Variants in RAPGEF4 observed in about 807,000 individuals in gnomAD.
RAPGEF4 encodes the protein RAP guanine-nucleotide-exchange factor (GEF) 4.
Under a neutral mutation model 147.9 loss-of-function variants are expected in RAPGEF4, and 66 were observed. The observed-to-expected ratio is 0.45, with a 90% confidence interval of 0.37 to 0.55. The LOEUF (loss-of-function observed/expected upper bound fraction) is 0.55. RAPGEF4 is among the 20% of genes least tolerant of loss of function. The probability of loss-of-function intolerance (pLI) is 0.00; values close to 1 mark genes in which losing one functional copy is unlikely to be tolerated. For missense variants in RAPGEF4, 1,071 were observed against 1,257.3 expected, an observed-to-expected ratio of 0.85 and a Z score of 2.24; for synonymous variants, 419 against 442.7, an observed-to-expected ratio of 0.95 and a Z score of 0.67.
intron 17 of RAPGEF4, among the ~76,000 whole-genome samples, chr2:173,011,159 AGC>A (rs147557642): frequency 2.0e-4 from 26 of 128,414 alleles, no homozygotes; most frequent in Admixed American, 6.0e-4. Context: ...TTGGAACTTC[AGC>A]GCGCGCGCGC....
At chr2:173,009,358 T>C (rs1694793124) in intron 17 of RAPGEF4, among the ~76,000 whole-genome samples, 1 of 152,150 alleles carries the variant, frequency 6.6e-6, no homozygotes, top group Non-Finnish European at 1.5e-5. Flanking sequence ...TTAAAAAATA[T>C]TGAAGGCTTT....
At chr2:172,847,245 A>C (rs1329146433) in intron 4 of RAPGEF4, among the ~76,000 whole-genome samples, 1 of 152,180 alleles carries the variant, frequency 6.6e-6, no homozygotes, top group East Asian at 1.9e-4. Context: ...TGCTTCCTGG[A>C]ACACAAGCTT....
At chr2:172,942,535 A>G (rs1687266263) in intron 6 of RAPGEF4, among the ~76,000 whole-genome samples, 2 of 150,816 alleles carry the variant, frequency 1.3e-5, no homozygotes, top group African/African-American at 2.4e-5. Flanking sequence ...AATCAGACAA[A>G]CATGGTACTC....
chr2:172,936,654 C>A (rs1686606113), intron 6 of RAPGEF4, among the ~76,000 whole-genome samples: 1 of 151,510 alleles, frequency 6.6e-6, no homozygotes, highest in African/African-American at 2.4e-5. Flanking sequence ...ACTTTTCATA[C>A]CATCCCTGTC....
chr2:173,050,684 A>T (rs1341125151), intron 30 of RAPGEF4, among the ~76,000 whole-genome samples: 1 of 136,950 alleles, frequency 7.3e-6, no homozygotes, highest in Non-Finnish European at 1.5e-5. Context: ...TTTCCCTTTT[A>T]TTTTGAAATA....
intron 11 of RAPGEF4, among the ~76,000 whole-genome samples, chr2:172,984,813 C>T (rs1692069626): frequency 6.6e-6 from 1 of 152,164 alleles, no homozygotes; most frequent in Non-Finnish European, 1.5e-5. Context: ...TGTGGGTAGT[C>T]TCGTCTTCTA....
intron 4 of RAPGEF4, among the ~76,000 whole-genome samples, chr2:172,845,006 T>C (rs1692015282): frequency 6.6e-6 from 1 of 152,222 alleles, no homozygotes; most frequent in South Asian, 2.1e-4. Flanking sequence ...GAATCCATCT[T>C]CTTATTGGGA....
chr2:172,818,231 G>C (rs1688708512), intron 4 of RAPGEF4, among the ~76,000 whole-genome samples: 1 of 151,960 alleles, frequency 6.6e-6, no homozygotes, highest in Non-Finnish European at 1.5e-5. Context: ...ATTGGGTACA[G>C]AGTACACTAC....
intron 18 of RAPGEF4, among the ~76,000 whole-genome samples, chr2:173,015,855 A>G (rs1214277029): frequency 6.6e-6 from 1 of 152,222 alleles, no homozygotes; most frequent in Non-Finnish European, 1.5e-5. Flanking sequence ...AGTGACACCT[A>G]GTCAATAAAC....
chr2:172,802,547 G>A (rs544895171), intron 3 of RAPGEF4, among the ~76,000 whole-genome samples: 4 of 152,296 alleles, frequency 2.6e-5, no homozygotes, highest in African/African-American at 9.6e-5. Flanking sequence ...TGGGAATTGT[G>A]GGAGTTATAA....
intron 1 of RAPGEF4, among the ~76,000 whole-genome samples, chr2:172,738,561 A>G (rs1694018274): frequency 6.6e-6 from 1 of 152,366 alleles, no homozygotes; most frequent in South Asian, 2.1e-4. Context: ...GTGGTGTGGC[A>G]TATGAATATG....
In RAPGEF4 at chr2:172,836,218, A is replaced by G. The variant is rs188993123; in HGVS notation, c.444+21793A>G. ...TGGTAGCTTCCTTTGAATGCCAAAA[A>G]TCTCTCATGTATGGACACATATGCC... On this transcript the variant is annotated intron_variant, in intron 4 of 30. Transcript: ENST00000397081. 3.9e-4 allele frequency among the ~76,000 whole-genome samples: 59 copies of G among 152,318 alleles called. 1 individual carries two copies. Among genetic ancestry groups the G allele is most frequent in the Admixed American group, 2.8e-3 (43 of 15,298 alleles).
chr2:173,047,331 T>C (rs2106084932), intron 29 of RAPGEF4, among the ~76,000 whole-genome samples: 1 of 152,338 alleles, frequency 6.6e-6, no homozygotes, highest in South Asian at 2.1e-4. Flanking sequence ...CCCTTTTAAG[T>C]CTTTATTGCA....
rs1274464915 is a variant in RAPGEF4, at chr2:173,051,691, T to C, written c.2960T>C (p.Val987Ala). 6.2e-7 allele frequency: 1 copy of C among 1,614,000 alleles called. No individual in the cohort carries two copies. The part of the protein sequence containing the change: ...NKNHQDVRSY[V>A]RQLNVIDNQR... ...AACCATCAGGATGTCCGGAGTTATGTACGGCAATTAAATGTGATTGACAAC... is the reference window on the plus strand; with the variant it reads ...AACCATCAGGATGTCCGGAGTTATGCACGGCAATTAAATGTGATTGACAAC... The change falls in exon 31 of 31, where the codon GTA becomes GCA. Residue 987 changes from valine to alanine, a missense_variant. Transcript: ENST00000397081.
intron 5 of RAPGEF4, among the ~76,000 whole-genome samples, chr2:172,920,089 A>C (rs1684577808): frequency 6.6e-6 from 1 of 152,162 alleles, no homozygotes. Context: ...TTTATTATGA[A>C]AAATTTCAAA....
chr2:173,011,762 A>G (rs749933684), intron 17 of RAPGEF4, among the ~76,000 whole-genome samples: 1 of 152,220 alleles, frequency 6.6e-6, no homozygotes, highest in Non-Finnish European at 1.5e-5. Context: ...AAGTACTTGT[A>G]AAGCATTTTG....
chr2:173,035,722 TA>T (rs1351864514), intron 27 of RAPGEF4, among the ~76,000 whole-genome samples: 1 of 152,176 alleles, frequency 6.6e-6, no homozygotes, highest in Non-Finnish European at 1.5e-5. Context: ...GCCTTACTGA[TA>T]ACATAAAGTC....
chr2:172,858,293 G>C (rs996850127), intron 4 of RAPGEF4, among the ~76,000 whole-genome samples: 14 of 152,128 alleles, frequency 9.2e-5, no homozygotes, highest in African/African-American at 3.4e-4. Flanking sequence ...TCTTTATGAT[G>C]TATTTTCAAA....
intron 4 of RAPGEF4, among the ~76,000 whole-genome samples, chr2:172,890,833 A>T (rs931928254): frequency 6.6e-6 from 1 of 152,218 alleles, no homozygotes; most frequent in Non-Finnish European, 1.5e-5. Context: ...GACTTTCGTT[A>T]AAAAATTATT....
Sources: gnomAD v4.1 joint callset for allele counts (sites outside exome capture counted in the v4.1 genomes callset) on GRCh38, gnomAD v4.1.1 for gene constraint, MANE v1.5 for transcripts, NCBI Gene and HGNC (gene_info 2026-07-23, HGNC 2026-07-21) for gene names.